The following CDH13 variants were observed in gnomAD, a reference collection of about 807,000 sequenced individuals.
CDH13 encodes the protein cadherin 13, also known as cadherin-13.
In CDH13, 24 loss-of-function variants were observed where a neutral mutation model predicts 63.8. The observed-to-expected ratio is 0.38, with a 90% CI of 0.27 to 0.53. The LOEUF (loss-of-function observed/expected upper bound fraction) is 0.53, where lower values mean the gene tolerates loss of function less well. Among genes scored for constraint, CDH13 ranks in the 20% least tolerant of loss-of-function variants. CDH13 has a pLI of 0.85. For missense variants in CDH13, 1,049 were observed against 903.1 expected (o/e 1.16, Z -2.07); for synonymous variants, 503 against 355.3 (o/e 1.42, Z -4.67).
At chr16:83,046,378 C>T (rs1013235959) in intron 3 of CDH13, among the ~76,000 whole-genome samples, 5 of 152,038 alleles carry the variant, frequency 3.3e-5, no homozygotes, top group Non-Finnish European at 7.4e-5. Flanking sequence ...CAGCAGAAAA[C>T]CAATTTGGCA....
chr16:83,040,502 A>G (rs1020590829), intron 3 of CDH13, among the ~76,000 whole-genome samples: 1 of 152,154 alleles, frequency 6.6e-6, no homozygotes, highest in East Asian at 1.9e-4. Flanking sequence ...CAAAAGCTGA[A>G]GAACTTGGAG....
intron 4 of CDH13, among the ~76,000 whole-genome samples, chr16:83,157,729 C>T (rs991420799): frequency 1.2e-4 from 15 of 126,862 alleles, no homozygotes; most frequent in African/African-American, 3.8e-4. Flanking sequence ...CCCGTCTCTA[C>T]TAGAAATATA....
At chr16:82,884,422 C>T in intron 2 of CDH13, 1 of 318,434 alleles carries the variant, frequency 3.1e-6, no homozygotes, top group Non-Finnish European at 6.2e-6. Context: ...TTGCAGTAGA[C>T]AAAGCAAGAT....
chr16:83,249,555 A>G (rs751438916), intron 5 of CDH13, among the ~76,000 whole-genome samples: 1 of 152,216 alleles, frequency 6.6e-6, no homozygotes, highest in Non-Finnish European at 1.5e-5. Context: ...GAAAGGTGCC[A>G]TCATTCTATC....
intron 1 of CDH13, among the ~76,000 whole-genome samples, chr16:82,754,818 A>G (rs1024714012): frequency 3.3e-5 from 5 of 152,236 alleles, no homozygotes; most frequent in African/African-American, 1.2e-4. Flanking sequence ...TAATACAAAA[A>G]AATCCAAACC....
chr16:83,716,581 T>G (rs1908937033), intron 10 of CDH13, among the ~76,000 whole-genome samples: 1 of 152,156 alleles, frequency 6.6e-6, no homozygotes, highest in African/African-American at 2.4e-5. Flanking sequence ...CCTCCTGGAC[T>G]CAAGCAATCC....
intron 1 of CDH13, among the ~76,000 whole-genome samples, chr16:82,755,661 A>G (rs34775543): frequency 0.047 from 7,218 of 152,252 alleles, 177 homozygotes; most frequent in Middle Eastern, 0.058. Flanking sequence ...TTCAAGTGAC[A>G]TTTACTGATA....
intron 2 of CDH13, among the ~76,000 whole-genome samples, chr16:83,008,663 G>T (rs1466579643): frequency 6.6e-6 from 1 of 152,124 alleles, no homozygotes; most frequent in African/African-American, 2.4e-5. Context: ...GGTGGATGAG[G>T]GATTGGGAAA....
chr16:83,256,208 C>G (rs1567543200), intron 5 of CDH13, among the ~76,000 whole-genome samples: 1 of 151,940 alleles, frequency 6.6e-6, no homozygotes, highest in Non-Finnish European at 1.5e-5. Flanking sequence ...TACTGTTGTA[C>G]TTTTTGTAGA....
At chr16:83,150,406 C>G (rs2036927786) in intron 4 of CDH13, among the ~76,000 whole-genome samples, 1 of 152,168 alleles carries the variant, frequency 6.6e-6, no homozygotes, top group African/African-American at 2.4e-5. Flanking sequence ...TCTCTGTCCC[C>G]AATATATGCT....
At chr16:83,559,085 G>A (rs545393402) in intron 7 of CDH13, among the ~76,000 whole-genome samples, 2 of 152,254 alleles carry the variant, frequency 1.3e-5, no homozygotes, top group Admixed American at 1.3e-4. Flanking sequence ...TTTAAACACT[G>A]CTATCATGTT....
intron 3 of CDH13, among the ~76,000 whole-genome samples, chr16:83,050,950 C>T (rs9889171): frequency 6.6e-6 from 1 of 152,154 alleles, no homozygotes; most frequent in Non-Finnish European, 1.5e-5. Flanking sequence ...TCCTTTCTCT[C>T]TCTCCCATGT....
chr16:82,729,110 A>G (rs1442764302), intron 1 of CDH13, among the ~76,000 whole-genome samples: 1 of 152,182 alleles, frequency 6.6e-6, no homozygotes, highest in Non-Finnish European at 1.5e-5. Context: ...TACTTCCTCT[A>G]CTGAAGTCAT....
chr16:83,104,944 C>T (rs1463951555), intron 3 of CDH13, among the ~76,000 whole-genome samples: 1 of 152,212 alleles, frequency 6.6e-6, no homozygotes. Context: ...TGCATCTTCT[C>T]CCTCTCTCAT....
chr16:82,643,652 G>A (rs7195146), intron 1 of CDH13, among the ~76,000 whole-genome samples: 2 of 152,162 alleles, frequency 1.3e-5, no homozygotes, highest in African/African-American at 4.8e-5. Flanking sequence ...ACCATCTTTT[G>A]CCTCACTGGT....
At chr16:83,168,619 G>A (rs143810477) in intron 4 of CDH13, among the ~76,000 whole-genome samples, 1 of 151,206 alleles carries the variant, frequency 6.6e-6, no homozygotes, top group Non-Finnish European at 1.5e-5. Flanking sequence ...TAAAAAAAAC[G>A]AACTTGTAAT....
intron 1 of CDH13, among the ~76,000 whole-genome samples, chr16:82,842,237 A>G (rs1431156034): frequency 6.7e-6 from 1 of 149,976 alleles, no homozygotes; most frequent in African/African-American, 2.5e-5. Context: ...CTTGCCTTTT[A>G]AAAAGTTGTT....
At chr16:83,426,895 A>G (rs577452873) in intron 6 of CDH13, among the ~76,000 whole-genome samples, 1 of 131,686 alleles carries the variant, frequency 7.6e-6, no homozygotes, top group South Asian at 2.4e-4. Context: ...GAATCTATAA[A>G]TATGTTTCTT....
intron 3 of CDH13, among the ~76,000 whole-genome samples, chr16:83,094,409 C>T (rs755342991): frequency 1.2e-4 from 18 of 152,114 alleles, no homozygotes; most frequent in Non-Finnish European, 5.9e-5. Flanking sequence ...GGCTGTGGTA[C>T]GCTTACAACA....
Sources: gnomAD v4.1 joint callset for allele counts (sites outside exome capture counted in the v4.1 genomes callset) on GRCh38, gnomAD v4.1.1 for gene constraint, MANE v1.5 for transcripts, NCBI Gene and HGNC (gene_info 2026-07-23, HGNC 2026-07-21) for gene names.